Variants in SAMD12 observed in about 807,000 individuals in gnomAD.
The protein encoded by SAMD12 is sterile alpha motif domain-containing protein 12.
Under a neutral mutation model 15.0 loss-of-function variants are expected in SAMD12, and 9 were observed. The ratio of observed to expected loss-of-function variants is 0.60; its 90% CI spans 0.36 to 1.05. The LOEUF (loss-of-function observed/expected upper bound fraction) is 1.05, where lower values mean the gene tolerates loss of function less well. SAMD12 is among the 50% of genes least tolerant of loss of function. The probability of loss-of-function intolerance (pLI) is 0.01; values close to 1 mark genes in which losing one functional copy is unlikely to be tolerated. For synonymous variants in SAMD12, 86 were observed against 90.1 expected (o/e 0.96, Z 0.25); for missense variants, 230 against 234.2 (o/e 0.98, Z 0.12).
chr8:118,476,251 C>T (rs1239185281), intron 2 of SAMD12, among the ~76,000 whole-genome samples: 1 of 152,156 alleles, frequency 6.6e-6, no homozygotes, highest in Non-Finnish European at 1.5e-5. Flanking sequence ...TGTCCTCTGC[C>T]ATCCCCCTCA....
At chr8:118,618,407 C>T (rs1290706839) in intron 1 of SAMD12, among the ~76,000 whole-genome samples, 1 of 152,108 alleles carries the variant, frequency 6.6e-6, no homozygotes. Flanking sequence ...AACTGGCTGG[C>T]ATGAATAAGT....
At chr8:118,217,377 G>C in intron 4 of SAMD12, among the ~76,000 whole-genome samples, 1 of 152,172 alleles carries the variant, frequency 6.6e-6, no homozygotes, top group East Asian at 1.9e-4. Context: ...TACAAAACCT[G>C]TCTTGCTCAT....
chr8:118,251,312 A>G (rs888612046), intron 4 of SAMD12, among the ~76,000 whole-genome samples: 1 of 152,160 alleles, frequency 6.6e-6, no homozygotes, highest in South Asian at 2.1e-4. Flanking sequence ...TCCACACATA[A>G]CACAGAGAAG....
intron 2 of SAMD12, among the ~76,000 whole-genome samples, chr8:118,488,451 C>G (rs1339263449): frequency 6.6e-6 from 1 of 152,062 alleles, no homozygotes; most frequent in African/African-American, 2.4e-5. Context: ...ATGTATACAC[C>G]ATGCAATCAC....
At chr8:118,529,415 T>C (rs1214174343) in intron 2 of SAMD12, among the ~76,000 whole-genome samples, 1 of 152,220 alleles carries the variant, frequency 6.6e-6, no homozygotes, top group Non-Finnish European at 1.5e-5. Flanking sequence ...TTTAGACATT[T>C]AGGGGATACA....
At chr8:118,418,643 C>T (rs1016621862) in intron 3 of SAMD12, among the ~76,000 whole-genome samples, 14 of 151,454 alleles carry the variant, frequency 9.2e-5, no homozygotes, top group South Asian at 2.1e-4. Flanking sequence ...GGCATGAACC[C>T]GGGAAGTGGA....
intron 2 of SAMD12, among the ~76,000 whole-genome samples, chr8:118,473,621 C>T (rs1823870815): frequency 1.3e-5 from 2 of 152,262 alleles, no homozygotes; most frequent in South Asian, 4.1e-4. Flanking sequence ...TCTTTTTCCT[C>T]CAGCCTAATC....
At chr8:118,537,267 A>T (rs548662431) in intron 2 of SAMD12, among the ~76,000 whole-genome samples, 97 of 152,124 alleles carry the variant, frequency 6.4e-4, no homozygotes, top group Admixed American at 2.2e-3. Context: ...CTTTGGGTCA[A>T]ATCTGTTTGG....
At chr8:118,220,087 C>T (rs78620705) in intron 4 of SAMD12, among the ~76,000 whole-genome samples, 1 of 152,190 alleles carries the variant, frequency 6.6e-6, no homozygotes, top group African/African-American at 2.4e-5. Flanking sequence ...TAATGCTTGC[C>T]TGGAGTTCTG....
chr8:118,474,275 T>A (rs1262810956), intron 2 of SAMD12, among the ~76,000 whole-genome samples: 5 of 152,126 alleles, frequency 3.3e-5, no homozygotes, highest in African/African-American at 1.2e-4. Context: ...GCTATTTTTA[T>A]TCAAAGCCCA....
At chr8:118,189,950 A>G (rs77622666) in exon 5 of SAMD12, 1 of 149,400 alleles carries the variant, frequency 6.7e-6, no homozygotes, top group African/African-American at 2.4e-5. Context: ...ACAGAGGAAA[A>G]AAAAAAAAAA....
At chr8:118,270,243 AT>A (rs2130106762) in intron 4 of SAMD12, among the ~76,000 whole-genome samples, 1 of 152,352 alleles carries the variant, frequency 6.6e-6, no homozygotes, top group East Asian at 1.9e-4. Context: ...TGCAAATAAC[AT>A]TAGCCAAAAT....
intron 2 of SAMD12, among the ~76,000 whole-genome samples, chr8:118,567,589 T>G (rs1422735956): frequency 1.3e-5 from 2 of 152,248 alleles, no homozygotes; most frequent in East Asian, 3.8e-4. Context: ...GGCACTGAAG[T>G]TCAGCTTTAG....
intron 2 of SAMD12, among the ~76,000 whole-genome samples, chr8:118,569,812 T>C (rs1256498708): frequency 1.3e-5 from 2 of 152,222 alleles, no homozygotes; most frequent in Admixed American, 1.3e-4. Context: ...ATGTCTCTTG[T>C]TTAAGCTACC....
intron 1 of SAMD12, among the ~76,000 whole-genome samples, chr8:118,606,785 A>C (rs1048287674): frequency 3.3e-5 from 5 of 152,186 alleles, no homozygotes; most frequent in South Asian, 2.1e-4. Context: ...CTCTGAGAGC[A>C]GGAAGGAGGC....
the SAMD12 span, among the ~76,000 whole-genome samples, chr8:118,155,319 A>G: frequency 2.0e-4 from 31 of 152,302 alleles, no homozygotes; most frequent in Admixed American, 1.9e-3. Context: ...GAACACACAG[A>G]CCAGATACAT....
rs1437878521 is a variant in SAMD12, at chr8:118,572,535, A to T, written c.192+8180T>A. Reference sequence around the variant, plus strand: ...GGACATAGTGGGAGGTAACTGAATCATGGGGGCAAATCTTTCCCATGCTGT... The same window carrying T: ...GGACATAGTGGGAGGTAACTGAATCTTGGGGGCAAATCTTTCCCATGCTGT... On this transcript the variant is annotated intron_variant, in intron 2 of 3. Coordinates refer to ENST00000314727, the MANE Select transcript of SAMD12 (RefSeq NM_207506.3). Among the ~76,000 whole-genome samples, 5 of 152,250 alleles carry T rather than the reference A, an allele frequency of 3.3e-5. No homozygotes were observed. In the East Asian group the frequency reaches 9.7e-4, roughly 29 times the overall value.
chr8:118,495,148 AG>A (rs1228828709), intron 2 of SAMD12, among the ~76,000 whole-genome samples: 3 of 152,212 alleles, frequency 2.0e-5, no homozygotes, highest in Admixed American at 1.3e-4. Context: ...AAGGTGTTAA[AG>A]AATGTAGGGT....
At chr8:118,206,901 A>T (rs1483294148) in intron 4 of SAMD12, among the ~76,000 whole-genome samples, 1 of 152,202 alleles carries the variant, frequency 6.6e-6, no homozygotes, top group African/African-American at 2.4e-5. Context: ...AGTATGTCTC[A>T]TTCTTCTCTT....
Sources: allele counts gnomAD v4.1 joint callset (sites outside exome capture counted in the v4.1 genomes callset), GRCh38; gene constraint gnomAD v4.1.1; transcripts MANE v1.5; gene names NCBI Gene and HGNC (gene_info 2026-07-23, HGNC 2026-07-21).